CCDC85A: variants seen among roughly 807,000 people sequenced by gnomAD.
The protein encoded by CCDC85A is coiled-coil domain-containing protein 85A.
In CCDC85A, 38 loss-of-function variants were observed where a neutral mutation model predicts 50.2. That is an observed-to-expected ratio of 0.76 (90% CI 0.58 to 0.99). CCDC85A has a LOEUF of 0.99. Ranked by LOEUF, CCDC85A falls within the 50% of genes least tolerant of loss-of-function variation. The pLI is 0.00. For synonymous variants in CCDC85A, 366 were observed against 301.4 expected (o/e 1.21, Z -2.22); for missense variants, 820 against 742.0 (o/e 1.11, Z -1.22).
intron 2 of CCDC85A, among the ~76,000 whole-genome samples, chr2:56,234,790 A>T (rs991685447): frequency 1.3e-5 from 2 of 152,146 alleles, no homozygotes; most frequent in African/African-American, 2.4e-5. Flanking sequence ...GTGTTTACAC[A>T]TTCTTTTCTT....
chr2:56,347,084 T>A (rs562738112), intron 3 of CCDC85A, among the ~76,000 whole-genome samples: 1 of 152,294 alleles, frequency 6.6e-6, no homozygotes, highest in Non-Finnish European at 1.5e-5. Context: ...TTTAAGGAGT[T>A]TTGTATCAAA....
At chr2:56,307,085 G>A (rs77077162) in intron 2 of CCDC85A, among the ~76,000 whole-genome samples, 2,786 of 152,136 alleles carry the variant, frequency 0.018, 29 homozygotes, top group Non-Finnish European at 0.03. Context: ...GCCCAAATCA[G>A]AAAAATCTAG....
chr2:56,350,047 C>G (rs1175332712), intron 3 of CCDC85A, among the ~76,000 whole-genome samples: 3 of 150,250 alleles, frequency 2.0e-5, no homozygotes, highest in East Asian at 1.9e-4. Context: ...CTAATGTTGC[C>G]TTGAACTTAT....
intron 2 of CCDC85A, among the ~76,000 whole-genome samples, chr2:56,221,586 T>C (rs1340020486): frequency 3.3e-5 from 5 of 152,082 alleles, no homozygotes; most frequent in Admixed American, 1.3e-4. Context: ...TGATGAACTA[T>C]AATTGTAACA....
At chr2:56,221,724 A>G (rs1668336156) in intron 2 of CCDC85A, among the ~76,000 whole-genome samples, 1 of 152,166 alleles carries the variant, frequency 6.6e-6, no homozygotes, top group African/African-American at 2.4e-5. Context: ...TGAAAACAGA[A>G]TCATAAAAAT....
intron 2 of CCDC85A, among the ~76,000 whole-genome samples, chr2:56,199,734 C>G (rs916898995): frequency 4.8e-4 from 73 of 152,302 alleles, no homozygotes; most frequent in African/African-American, 1.7e-3. Flanking sequence ...CTTGGGAATG[C>G]AGATAACTGC....
At chr2:56,354,938 T>G (rs976083368) in intron 3 of CCDC85A, among the ~76,000 whole-genome samples, 4 of 152,200 alleles carry the variant, frequency 2.6e-5, no homozygotes, top group Non-Finnish European at 4.4e-5. Context: ...TTGTGTTTCC[T>G]CAGGCCACAC....
chr2:56,275,418 T>C (rs1411482576), intron 2 of CCDC85A, among the ~76,000 whole-genome samples: 1 of 152,130 alleles, frequency 6.6e-6, no homozygotes, highest in Non-Finnish European at 1.5e-5. Context: ...AAATAGATCA[T>C]CACTGCTATA....
chr2:56,317,349 G>C lies in CCDC85A; in HGVS notation c.1241-25530G>C, dbSNP rs140435743. Among the ~76,000 whole-genome samples the C allele has an allele frequency of 2.3e-3, 349 of 152,136 alleles. 1 individual carries two copies. The highest frequency in any genetic ancestry group is 1.3e-3 in the Non-Finnish European group (87 of 67,984). ...CATATTAAGGAACACGCTCACCCTTGTATGGAGTGATCCAAAAGTCTACAC... is the reference window on the plus strand; with the variant it reads ...CATATTAAGGAACACGCTCACCCTTCTATGGAGTGATCCAAAAGTCTACAC... On this transcript the variant is annotated intron_variant, in intron 2 of 5. Coordinates refer to ENST00000407595, the MANE Select transcript of CCDC85A (RefSeq NM_001080433.2).
intron 2 of CCDC85A, among the ~76,000 whole-genome samples, chr2:56,296,908 C>A (rs1216710480): frequency 6.6e-6 from 1 of 151,968 alleles, no homozygotes. Flanking sequence ...TAGAATAACA[C>A]CATATAGAAA....
chr2:56,281,661 T>A (rs1671213344), intron 2 of CCDC85A, among the ~76,000 whole-genome samples: 1 of 152,212 alleles, frequency 6.6e-6, no homozygotes, highest in Non-Finnish European at 1.5e-5. Flanking sequence ...TTTGCATTTC[T>A]CTGATGAATA....
chr2:56,383,413 C>T (rs960153848), intron 5 of CCDC85A: 8 of 169,138 alleles, frequency 4.7e-5, no homozygotes, highest in African/African-American at 1.9e-4. Flanking sequence ...CATGCATGTG[C>T]ATGTGTGTGT....
intron 2 of CCDC85A, among the ~76,000 whole-genome samples, chr2:56,292,133 A>T (rs1300438756): frequency 1.3e-5 from 2 of 152,002 alleles, no homozygotes; most frequent in African/African-American, 4.8e-5. Flanking sequence ...CCCAGGCTGG[A>T]GTGCAGTGGC....
intron 2 of CCDC85A, among the ~76,000 whole-genome samples, chr2:56,244,185 G>T (rs1354016026): frequency 6.6e-6 from 1 of 152,100 alleles, no homozygotes; most frequent in African/African-American, 2.4e-5. Flanking sequence ...CTCTAGGCAG[G>T]TTCAGAGATG....
chr2:56,350,226 G>A (rs1674847624), intron 3 of CCDC85A, among the ~76,000 whole-genome samples: 1 of 150,554 alleles, frequency 6.6e-6, no homozygotes, highest in South Asian at 2.1e-4. Flanking sequence ...GAGTGCAGTG[G>A]CACTACCTTG....
intron 2 of CCDC85A, among the ~76,000 whole-genome samples, chr2:56,327,428 G>T (rs932742568): frequency 2.0e-5 from 3 of 152,042 alleles, no homozygotes; most frequent in African/African-American, 7.2e-5. Context: ...GTATGCATTT[G>T]GCCTTTGGTC....
intron 2 of CCDC85A, among the ~76,000 whole-genome samples, chr2:56,253,656 A>T (rs906867613): frequency 1.3e-5 from 2 of 152,148 alleles, no homozygotes; most frequent in Non-Finnish European, 2.9e-5. Context: ...GCTGGAGAGG[A>T]GGTGGCCTAG....
intron 2 of CCDC85A, among the ~76,000 whole-genome samples, chr2:56,334,030 A>T (rs1454909814): frequency 6.6e-6 from 1 of 152,180 alleles, no homozygotes; most frequent in Non-Finnish European, 1.5e-5. Context: ...AGATCTTTGC[A>T]TAGTTGGCTT....
chr2:56,383,552 A>T, intron 5 of CCDC85A: 1 of 981,180 alleles, frequency 1.0e-6, no homozygotes, highest in Non-Finnish European at 1.2e-6. Context: ...TTGTAATTGT[A>T]TCTCTTTCAG....
Sources: allele counts gnomAD v4.1 joint callset (sites outside exome capture counted in the v4.1 genomes callset), GRCh38; gene constraint gnomAD v4.1.1; transcripts MANE v1.5; gene names NCBI Gene and HGNC (gene_info 2026-07-23, HGNC 2026-07-21).